The following MICU3 variants were observed in gnomAD, a reference collection of about 807,000 sequenced individuals.
The protein encoded by MICU3 is calcium uptake protein 3, mitochondrial.
Under a neutral mutation model 66.5 loss-of-function variants are expected in MICU3, and 62 were observed. The ratio of observed to expected loss-of-function variants is 0.93; its 90% confidence interval spans 0.76 to 1.15. MICU3 has a LOEUF of 1.15. MICU3 is among the 50% of genes most tolerant of loss of function. The pLI, the probability that MICU3 is intolerant of heterozygous loss-of-function variation, is 0.00. For missense variants in MICU3, 779 were observed against 664.4 expected, an observed-to-expected ratio of 1.17 and a Z score of -1.90; for synonymous variants, 308 against 240.7, an observed-to-expected ratio of 1.28 and a Z score of -2.59.
chr8:17,132,462 A>G, the MICU3 span: 3 of 152,058 alleles, frequency 2.0e-5, no homozygotes, highest in African/African-American at 7.2e-5. Context: ...ACACTTTTCT[A>G]TTGCATATGG....
intron 11 of MICU3, among the ~76,000 whole-genome samples, chr8:17,109,881 T>C (rs185785194): frequency 6.6e-6 from 1 of 152,322 alleles, no homozygotes; most frequent in East Asian, 1.9e-4. Context: ...AGTATAATTA[T>C]TGTTATTAAG....
chr8:17,118,604 T>C, intron 13 of MICU3, 103 bp from the exon 14 acceptor site: 1 of 696,640 alleles, frequency 1.4e-6, no homozygotes, highest in Non-Finnish European at 2.5e-6. Context: ...AACATTCTAC[T>C]CTCCACTTCT....
At chr8:17,084,565 C>T (rs1425242528) in intron 5 of MICU3, among the ~76,000 whole-genome samples, 1 of 152,058 alleles carries the variant, frequency 6.6e-6, no homozygotes, top group African/African-American at 2.4e-5. Context: ...TTGAAGGACA[C>T]TTTCAAGTTT....
In MICU3 at chr8:17,098,452, C is replaced by T; in HGVS notation, c.889-6C>T. The T allele has an allele frequency of 6.3e-7, 1 of 1,580,342 alleles. No homozygotes were observed. ...ATTTCAGTTGTGCTTCTTAAAACTTCTACAGGTACTTAAAACAGATGCTGA... is the reference window on the plus strand; with the variant it reads ...ATTTCAGTTGTGCTTCTTAAAACTTTTACAGGTACTTAAAACAGATGCTGA... On this transcript the variant is annotated splice_polypyrimidine_tract_variant and splice_region_variant and intron_variant, in intron 8 of 14. Coordinates refer to ENST00000318063, the MANE Select transcript of MICU3 (RefSeq NM_181723.3).
chr8:17,032,516 GA>G (rs552005374), intron 1 of MICU3, among the ~76,000 whole-genome samples: 2 of 152,134 alleles, frequency 1.3e-5, no homozygotes, highest in Non-Finnish European at 2.9e-5. Context: ...TATTACTGTG[GA>G]GTGGAAAACT....
chr8:17,101,970 A>G (rs1432222009), intron 9 of MICU3, among the ~76,000 whole-genome samples: 1 of 151,914 alleles, frequency 6.6e-6, no homozygotes, highest in Non-Finnish European at 1.5e-5. Context: ...TATCCTTACC[A>G]CAACCCTTTG....
intron 1 of MICU3, among the ~76,000 whole-genome samples, chr8:17,057,423 G>A (rs1031273867): frequency 6.6e-6 from 1 of 152,122 alleles, no homozygotes; most frequent in African/African-American, 2.4e-5. Flanking sequence ...CCTGGAACAG[G>A]ATTGGTTCCA....
chr8:17,119,043 C>T (rs1802965814), intron 14 of MICU3, among the ~76,000 whole-genome samples: 1 of 152,080 alleles, frequency 6.6e-6, no homozygotes, highest in Non-Finnish European at 1.5e-5. Flanking sequence ...TTTTTAGGAT[C>T]ATGATTCTGA....
chr8:17,093,140 T>C (rs1470301778), intron 8 of MICU3, among the ~76,000 whole-genome samples: 1 of 152,038 alleles, frequency 6.6e-6, no homozygotes, highest in South Asian at 2.1e-4. Flanking sequence ...TATAACCTTT[T>C]CTGTTCCAAA....
At chr8:17,042,930 G>GTTTTTTTTT (rs1563281493) in intron 1 of MICU3, among the ~76,000 whole-genome samples, 1 of 96,746 alleles carries the variant, frequency 1.0e-5, no homozygotes, top group African/African-American at 6.8e-5. Context: ...AATTCAAAGT[G>GTTTTTTTTT]ATTTTTTTTT....
chr8:17,050,721 T>G (rs898744712), intron 1 of MICU3, among the ~76,000 whole-genome samples: 2 of 152,194 alleles, frequency 1.3e-5, no homozygotes, highest in Non-Finnish European at 2.9e-5. Flanking sequence ...GAGTTTTTCT[T>G]TGTCCCATTT....
the MICU3 span, among the ~76,000 whole-genome samples, chr8:17,128,412 T>A: frequency 6.6e-6 from 1 of 152,070 alleles, no homozygotes; most frequent in Non-Finnish European, 1.5e-5. Context: ...CTGCAGAAAA[T>A]GCATATGTTG....
At position 17,067,392 on chromosome 8, in the gene MICU3, G is replaced by T. The variant is rs192462013; in HGVS notation, c.536-2296G>T. On this transcript the variant is annotated intron_variant, in intron 2 of 14. Coordinates refer to ENST00000318063, the MANE Select transcript of MICU3 (RefSeq NM_181723.3). ...GGCACACAGTAAACATTTAATATTG[G>T]TATGTCATCATCATCGTCATCAGAA... 6.6e-5 allele frequency among the ~76,000 whole-genome samples: 10 copies of T among 151,870 alleles called. No homozygotes were observed. In the East Asian group the frequency reaches 1.9e-3, roughly 29 times the overall value.
At chr8:17,074,590 CGTGTGTGTGTGTGTGT>C (rs35861279) in intron 3 of MICU3, among the ~76,000 whole-genome samples, 19 of 141,942 alleles carry the variant, frequency 1.3e-4, no homozygotes, top group Admixed American at 4.3e-4. Flanking sequence ...GATGTTAAAA[CGTGTGTGTGTGTGTGT>C]GTGTGTGTGT....
At chr8:17,130,512 CA>C in the MICU3 span, among the ~76,000 whole-genome samples, 43 of 128,322 alleles carry the variant, frequency 3.4e-4, no homozygotes, top group Admixed American at 4.8e-4. Flanking sequence ...GACTCTGTCT[CA>C]AAAAAAAAAA....
intron 1 of MICU3, among the ~76,000 whole-genome samples, chr8:17,052,557 G>A (rs955045698): frequency 2.6e-5 from 4 of 151,990 alleles, no homozygotes; most frequent in African/African-American, 7.3e-5. Flanking sequence ...ACAATTAGAG[G>A]CCTTAAAAAT....
the MICU3 span, among the ~76,000 whole-genome samples, chr8:17,136,765 C>T: frequency 2.0e-5 from 3 of 151,938 alleles, no homozygotes; most frequent in African/African-American, 7.2e-5. Context: ...GGAAGCCATT[C>T]TACCCTAGGC....
chr8:17,054,738 CTTTTTTTT>C (rs559605289), intron 1 of MICU3, among the ~76,000 whole-genome samples: 1 of 122,772 alleles, frequency 8.1e-6, no homozygotes, highest in Admixed American at 8.8e-5. Context: ...TTCTTTCTTT[CTTTTTTTT>C]TTTTTTTTTT....
At chr8:17,119,634 C>G (rs1472366145) in intron 14 of MICU3, among the ~76,000 whole-genome samples, 1 of 151,922 alleles carries the variant, frequency 6.6e-6, no homozygotes, top group Non-Finnish European at 1.5e-5. Context: ...AAAAAAGTTG[C>G]TTAGTCAAGT....
Sources: gnomAD v4.1 joint callset for allele counts (sites outside exome capture counted in the v4.1 genomes callset) on GRCh38, gnomAD v4.1.1 for gene constraint, MANE v1.5 for transcripts, NCBI Gene and HGNC (gene_info 2026-07-23, HGNC 2026-07-21) for gene names.